The following LRRTM4 variants were observed in gnomAD, a reference collection of about 807,000 sequenced individuals.
LRRTM4 encodes the protein leucine rich repeat transmembrane neuronal 4.
A neutral mutation model predicts 47.6 loss-of-function variants in LRRTM4; 25 were observed. The observed-to-expected ratio is 0.53, with a 90% confidence interval of 0.38 to 0.73. The LOEUF is 0.73. Among genes scored for constraint, LRRTM4 ranks in the 30% least tolerant of loss-of-function variants. The pLI is 0.00. For synonymous variants in LRRTM4, 311 were observed against 269.5 expected, an observed-to-expected ratio of 1.15 and a Z score of -1.51; for missense variants, 638 against 713.4, an observed-to-expected ratio of 0.89 and a Z score of 1.20.
At position 76,870,003 on chromosome 2, in the gene LRRTM4, T is replaced by G. The variant is rs529646845; in HGVS notation, c.1552-121087A>C. Among the ~76,000 whole-genome samples, 5 of 152,204 alleles carry G rather than the reference T, an allele frequency of 3.3e-5. No individual in the cohort carries two copies. The South Asian group carries it at 1.0e-3, about 32-fold the overall frequency. ...CATAAACATAAAGGAAAGAGAGACTTAGGGAGGCACAAAACAATTACCCAA... is the reference window on the plus strand; with the variant it reads ...CATAAACATAAAGGAAAGAGAGACTGAGGGAGGCACAAAACAATTACCCAA... On this transcript the variant is annotated intron_variant, in intron 3 of 3. Transcript: ENST00000409884.
chr2:77,153,469 C>A (rs1672481591), intron 3 of LRRTM4, among the ~76,000 whole-genome samples: 1 of 152,066 alleles, frequency 6.6e-6, no homozygotes, highest in Non-Finnish European at 1.5e-5. Context: ...TAAAGTGAGT[C>A]ATTTTCTCCC....
chr2:76,812,213 A>G lies in LRRTM4; in HGVS notation c.1552-63297T>C, dbSNP rs184104782. 1.2e-4 allele frequency among the ~76,000 whole-genome samples: 19 copies of G among 152,268 alleles called. No homozygotes were observed. The East Asian group carries it at 3.7e-3, about 29-fold the overall frequency. ...CAATGCATGCTTCCTCCTACCCCAT[A>G]TATCTAATCCAATTTTCAGATCTAG... On this transcript the variant is annotated intron_variant, in intron 3 of 3. Transcript: ENST00000409884.
intron 3 of LRRTM4, among the ~76,000 whole-genome samples, chr2:77,058,012 A>G (rs1486206739): frequency 6.6e-6 from 1 of 151,852 alleles, no homozygotes; most frequent in Non-Finnish European, 1.5e-5. Context: ...CCTCCAATAA[A>G]TTTTTGTCAA....
In LRRTM4 at chr2:77,491,724, G is replaced by T. The variant is rs1489521199; in HGVS notation, c.1551+26594C>A. Among the ~76,000 whole-genome samples, 4 of 151,726 alleles carry T rather than the reference G, an allele frequency of 2.6e-5. No individual in the cohort carries two copies. The East Asian group carries it at 5.8e-4, about 22-fold the overall frequency. ...ACCAGAATATATTTTTGAAGAAGAG[G>T]GAAAGAGTAAAGGAATAAGAGTCCT... On this transcript the variant is annotated intron_variant, in intron 3 of 3. Transcript: ENST00000409884.
At chr2:77,473,040 C>G (rs1277997811) in intron 3 of LRRTM4, among the ~76,000 whole-genome samples, 3 of 151,958 alleles carry the variant, frequency 2.0e-5, no homozygotes, top group South Asian at 4.1e-4. Flanking sequence ...CTGGAAGCAG[C>G]CTAGAGTAGA....
rs564125541 is a variant in LRRTM4, at chr2:77,060,864, C to G, written c.1552-311948G>C. On this transcript the variant is annotated intron_variant, in intron 3 of 3. Transcript: ENST00000409884. ...TCATGGAAACATGTGAGCACAATTC[C>G]TGTCACATAAATGTTTATGACTCAA... 8.9e-4 allele frequency among the ~76,000 whole-genome samples: 135 copies of G among 152,172 alleles called. 1 individual carries two copies. In the Middle Eastern group the frequency reaches 0.01, roughly 12 times the overall value.
chr2:76,886,091 A>T (rs1268212135), intron 3 of LRRTM4, among the ~76,000 whole-genome samples: 1 of 152,216 alleles, frequency 6.6e-6, no homozygotes, highest in Admixed American at 6.5e-5. Context: ...TGCGAAAATC[A>T]TCATCCTGAA....
intron 3 of LRRTM4, among the ~76,000 whole-genome samples, chr2:76,929,454 T>C (rs943453281): frequency 3.8e-4 from 58 of 152,200 alleles, no homozygotes; most frequent in African/African-American, 1.4e-3. Context: ...AGAATATTTG[T>C]CCACCCATCG....
chr2:77,059,783 T>C (rs910494111), intron 3 of LRRTM4, among the ~76,000 whole-genome samples: 5 of 152,202 alleles, frequency 3.3e-5, no homozygotes, highest in African/African-American at 7.2e-5. Context: ...AAATACATTT[T>C]ACCCACATCT....
intron 3 of LRRTM4, among the ~76,000 whole-genome samples, chr2:77,010,481 CAGAAT>C: frequency 6.9e-6 from 1 of 145,936 alleles, no homozygotes; most frequent in East Asian, 2.0e-4. Context: ...TTTTTTAAGG[CAGAAT>C]AGAATTGTAT....
chr2:77,189,268 A>G lies in LRRTM4; in HGVS notation c.1551+329050T>C, dbSNP rs76488496. Among the ~76,000 whole-genome samples the G allele has an allele frequency of 4.8e-3, 738 of 152,360 alleles. 2 individuals carry two copies. Among genetic ancestry groups the G allele is most frequent in the Non-Finnish European group, 8.3e-3 (564 of 68,030 alleles). On this transcript the variant is annotated intron_variant, in intron 3 of 3. Transcript: ENST00000409884. ...AAATGCTCAAGTCAAGACATTGTCT[A>G]TAACAGACCATATAACAAGGATGGT...
At chr2:77,471,067 G>A (rs993479805) in intron 3 of LRRTM4, among the ~76,000 whole-genome samples, 1 of 151,860 alleles carries the variant, frequency 6.6e-6, no homozygotes, top group Non-Finnish European at 1.5e-5. Context: ...TCTAGTTCAG[G>A]CCTTTTCCCT....
intron 3 of LRRTM4, among the ~76,000 whole-genome samples, chr2:76,757,158 C>G (rs1278691570): frequency 6.6e-6 from 1 of 152,054 alleles, no homozygotes; most frequent in Non-Finnish European, 1.5e-5. Context: ...ATGTACAATA[C>G]TCAACACACT....
chr2:77,213,197 T>C (rs1674342332), intron 3 of LRRTM4, among the ~76,000 whole-genome samples: 3 of 152,284 alleles, frequency 2.0e-5, no homozygotes, highest in South Asian at 4.1e-4. Flanking sequence ...TCATTTTCTT[T>C]TAAATACCAT....
intron 3 of LRRTM4, among the ~76,000 whole-genome samples, chr2:76,933,377 G>T (rs775566197): frequency 6.6e-6 from 1 of 151,860 alleles, no homozygotes; most frequent in South Asian, 2.1e-4. Flanking sequence ...ATTCTCACAC[G>T]GTCATACAAA....
chr2:77,118,927 C>T (rs760127356), intron 3 of LRRTM4, among the ~76,000 whole-genome samples: 25 of 151,744 alleles, frequency 1.6e-4, no homozygotes, highest in African/African-American at 3.6e-4. Context: ...AATTATGCTG[C>T]GATAACATAT....
intron 3 of LRRTM4, among the ~76,000 whole-genome samples, chr2:77,436,000 T>C (rs952881453): frequency 6.6e-6 from 1 of 152,302 alleles, no homozygotes; most frequent in Admixed American, 6.5e-5. Flanking sequence ...TTCATTTATA[T>C]CATTCACATG....
intron 3 of LRRTM4, among the ~76,000 whole-genome samples, chr2:77,364,631 T>C (rs1672369950): frequency 6.6e-6 from 1 of 152,030 alleles, no homozygotes; most frequent in Non-Finnish European, 1.5e-5. Flanking sequence ...CCATCTCCTG[T>C]CAGTTTGCCT....
intron 3 of LRRTM4, among the ~76,000 whole-genome samples, chr2:76,848,728 C>T (rs1456843301): frequency 1.3e-5 from 2 of 151,562 alleles, no homozygotes; most frequent in Non-Finnish European, 2.9e-5. Flanking sequence ...TAAGAAGTTA[C>T]AGAAAAAGAA....
Sources: gnomAD v4.1 joint callset for allele counts (sites outside exome capture counted in the v4.1 genomes callset) on GRCh38, gnomAD v4.1.1 for gene constraint, MANE v1.5 for transcripts, NCBI Gene and HGNC (gene_info 2026-07-23, HGNC 2026-07-21) for gene names.